The following EXOC7 variants were observed in gnomAD, a reference collection of about 807,000 sequenced individuals.
The protein encoded by EXOC7 is exocyst complex component 7.
In EXOC7, 51 loss-of-function variants were observed where a neutral mutation model predicts 87.6. The ratio of observed to expected loss-of-function variants is 0.58; its 90% CI spans 0.46 to 0.73. EXOC7 has a LOEUF of 0.73. EXOC7 is among the 30% of genes least tolerant of loss of function. The pLI, the probability that EXOC7 is intolerant of heterozygous loss-of-function variation, is 0.00. For synonymous variants in EXOC7, 327 were observed against 357.1 expected, an observed-to-expected ratio of 0.92 and a Z score of 0.95; for missense variants, 744 against 888.4, an observed-to-expected ratio of 0.84 and a Z score of 2.07.
intron 5 of EXOC7, among the ~76,000 whole-genome samples, chr17:76,096,401 G>A (rs1343509868): frequency 6.6e-6 from 1 of 151,232 alleles, no homozygotes; most frequent in Non-Finnish European, 1.5e-5. Context: ...TGTAACCCCA[G>A]CTACTTGGGA....
Position 76,084,272 on chromosome 17 carries a change from C to T in EXOC7, c.1794G>A (p.Arg598=). Residue 598 remains arginine (R), a synonymous_variant, in exon 17 of 19, where the codon CGG becomes CGA. Transcript: ENST00000589210. The stretch of plus-strand genomic sequence containing the variant: ...CCTTAAAACGCTCCTTGATAATCTG[C>T]CGCTCCTTGTCCCGGAGCTGGGAAG... ...QPGVKLRDKE[R]QIIKERFKGF... is the part of the protein sequence containing the mutation. 6.2e-7 allele frequency: 1 copy of T among 1,613,530 alleles called. No individual in the cohort carries two copies. The highest frequency in any genetic ancestry group is 8.5e-7 in the Non-Finnish European group (1 of 1,180,006).
At chr17:76,088,199 C>T (rs940685388) in intron 10 of EXOC7, 77 bp from the exon 11 acceptor site, 22 of 1,454,986 alleles carry the variant, frequency 1.5e-5, no homozygotes, top group East Asian at 4.5e-5. Context: ...CTCATGGTGC[C>T]GCCTCCTGGC....
At position 76,103,724 on chromosome 17, in the gene EXOC7, T is replaced by C. The variant is rs2144723731; in HGVS notation, c.-32A>G. ...GAACCCCGCGGCTCCCACTCCCCAG[T>C]ATCTTTCCTCCGCGGGCCCACCGGG... On this transcript the variant is annotated 5_prime_UTR_variant, in exon 1 of 19. The change creates a new upstream start codon in the 5' untranslated region. Coordinates refer to ENST00000589210, the MANE Select transcript of EXOC7 (RefSeq NM_001013839.4). 6.3e-7 allele frequency: 1 copy of C among 1,583,396 alleles called. No homozygotes were observed. The highest frequency in any genetic ancestry group is 1.2e-5 in the South Asian group (1 of 86,820).
intron 18 of EXOC7, 107 bp from the exon 19 acceptor site, chr17:76,083,857 T>G (rs932711318): frequency 6.7e-7 from 1 of 1,493,626 alleles, no homozygotes; most frequent in Admixed American, 1.9e-5. Flanking sequence ...CCTGAGCGAT[T>G]CCCTGTCTGG....
At position 76,090,637 on chromosome 17, in the gene EXOC7, G is replaced by A. The variant is rs767336026; in HGVS notation, c.901+506C>T. On this transcript the variant is annotated intron_variant, in intron 7 of 18. Coordinates refer to ENST00000589210, the MANE Select transcript of EXOC7 (RefSeq NM_001013839.4). ...ACCGTCCTTAGCTGCTCATTTCCCCGAGCCTGGAGGCCCAGGGAAAGCGGA... is the reference window on the plus strand; with the variant it reads ...ACCGTCCTTAGCTGCTCATTTCCCCAAGCCTGGAGGCCCAGGGAAAGCGGA... The A allele has an allele frequency of 2.2e-4, 146 of 675,658 alleles. No homozygotes were observed. The South Asian group carries it at 2.4e-3, about 11-fold the overall frequency. The allele number at this position is 675,658 out of a possible 1,614,324, so 41.9% of individuals were successfully genotyped here. A position where few individuals can be genotyped will look rare whatever the true frequency, so the allele number is the denominator to read the frequency against.
rs192456669 is a variant in EXOC7, at chr17:76,087,394, C to T, written c.1429+260G>A. On this transcript the variant is annotated intron_variant, in intron 12 of 18. Coordinates refer to ENST00000589210, the MANE Select transcript of EXOC7 (RefSeq NM_001013839.4). Reference sequence around the variant, plus strand: ...AGGACACCTTCCAACCAACCAGCACCGCTCCCAGAGTGAGGACACTGCTTC... The same window carrying T: ...AGGACACCTTCCAACCAACCAGCACTGCTCCCAGAGTGAGGACACTGCTTC... The T allele has an allele frequency of 9.3e-4, 503 of 538,346 alleles. 3 individuals are homozygous for T. The highest frequency in any genetic ancestry group is 8.6e-3 in the African/African-American group (451 of 52,582). The allele number at this position is 538,346 out of a possible 1,614,324, so 33.3% of individuals were successfully genotyped here. A position where few individuals can be genotyped will look rare whatever the true frequency, so the allele number is the denominator to read the frequency against.
Position 76,082,289 on chromosome 17 carries a change from TAA to T in EXOC7, c.*1357_*1358del, listed in dbSNP as rs1343045459. ...CTGATAACCCATGCCTTGCACAGCC[TAA>T]GAGGGTGTTTCTTCAACTGAAGATG... On this transcript the variant is annotated 3_prime_UTR_variant, in exon 19 of 19. Transcript: ENST00000589210. 1 of 789,966 alleles carries T rather than the reference TAA, an allele frequency of 1.3e-6. No individual in the cohort carries two copies. The highest frequency in any genetic ancestry group is 2.0e-6 in the Non-Finnish European group (1 of 510,836). The allele number at this position is 789,966 out of a possible 1,614,324, so 48.9% of individuals were successfully genotyped here.
intron 4 of EXOC7, among the ~76,000 whole-genome samples, chr17:76,098,906 C>A (rs988920328): frequency 3.3e-5 from 5 of 151,174 alleles, no homozygotes; most frequent in Non-Finnish European, 7.4e-5. Flanking sequence ...TATTTTCTCA[C>A]TGAACCGTTA....
At chr17:76,099,132 G>C (rs1461282227) in intron 4 of EXOC7, among the ~76,000 whole-genome samples, 1 of 152,166 alleles carries the variant, frequency 6.6e-6, no homozygotes. Flanking sequence ...ACATATATAA[G>C]AGGGTTTATA....
chr17:76,096,979 G>A (rs1172579989), intron 5 of EXOC7, among the ~76,000 whole-genome samples: 3 of 151,776 alleles, frequency 2.0e-5, no homozygotes, highest in Non-Finnish European at 4.4e-5. Flanking sequence ...AGCCTCCCAA[G>A]TAGCTGGCTC....
In EXOC7 at chr17:76,089,257, T is replaced by C. The variant is rs1482012259; in HGVS notation, c.965A>G (p.Lys322Arg). Reference sequence around the variant, plus strand: ...CAGCTGGTACTCGCTCTGCGCCAGCTTGACGAAGGCACTGACGCAGTGGAT... The same window carrying C: ...CAGCTGGTACTCGCTCTGCGCCAGCCTGACGAAGGCACTGACGCAGTGGAT... ...AYIHCVSAFV[K>R]LAQSEYQLLA... is the part of the protein sequence containing the mutation. Residue 322 changes from lysine (K) to arginine (R), a missense_variant, in exon 8 of 19, where the codon AAG becomes AGG. Lys to Arg is a conservative substitution (Grantham distance 26). Transcript: ENST00000589210. 4 of 1,614,150 alleles carry C rather than the reference T, an allele frequency of 2.5e-6. No homozygotes were observed. Among genetic ancestry groups the C allele is most frequent in the Middle Eastern group, 1.7e-4 (1 of 6,060 alleles).
At chr17:76,100,328 G>A (rs146475639) in intron 4 of EXOC7, among the ~76,000 whole-genome samples, 284 of 152,162 alleles carry the variant, frequency 1.9e-3, no homozygotes, top group Middle Eastern at 6.8e-3. Context: ...TTAACTTAGA[G>A]TTAAAATAGC....
intron 6 of EXOC7, chr17:76,091,720 A>G: frequency 6.5e-6 from 1 of 154,702 alleles, no homozygotes; most frequent in Non-Finnish European, 1.4e-5. Flanking sequence ...GACGTACGCC[A>G]AACAGCAGCC....
chr17:76,086,931 G>A (rs2067238677), intron 12 of EXOC7: 1 of 1,537,984 alleles, frequency 6.5e-7, no homozygotes, highest in South Asian at 1.2e-5. Flanking sequence ...GGGGACAGAG[G>A]GAGAGACAAA....
chr17:76,095,553 G>A (rs532062704), intron 5 of EXOC7, among the ~76,000 whole-genome samples: 1 of 152,240 alleles, frequency 6.6e-6, no homozygotes, highest in South Asian at 2.1e-4. Context: ...GACAACAAAT[G>A]TCAGTGAATG....
intron 7 of EXOC7, chr17:76,089,624 G>C: frequency 2.2e-6 from 1 of 446,562 alleles, no homozygotes; most frequent in Non-Finnish European, 4.2e-6. Context: ...TCCTGAATCA[G>C]CGTCCTGGAT....
At chr17:76,097,653 C>T (rs375900621) in intron 5 of EXOC7, 143 bp downstream of exon 5, 11 of 588,018 alleles carry the variant, frequency 1.9e-5, no homozygotes, top group African/African-American at 8.1e-5. Context: ...TGCAGCAAGC[C>T]GAGTTGCACC....
chr17:76,100,633 C>CAA (rs34141633), intron 4 of EXOC7, among the ~76,000 whole-genome samples: 1,326 of 130,944 alleles, frequency 0.01, 27 homozygotes, highest in African/African-American at 0.033. Flanking sequence ...AACTCCATCT[C>CAA]AAAAAAAAAA....
chr17:76,085,313 C>T lies in EXOC7; in HGVS notation c.1712+1G>A. The T allele has an allele frequency of 6.3e-7, 1 of 1,594,510 alleles. No homozygotes were observed. The highest frequency in any genetic ancestry group is 8.5e-7 in the Non-Finnish European group (1 of 1,171,240). On this transcript the variant is annotated splice_donor_variant, in intron 15 of 18. Coordinates refer to ENST00000589210, the MANE Select transcript of EXOC7 (RefSeq NM_001013839.4). LOFTEE classifies it high-confidence loss of function. ...GGAGCAGGGCGGGCCCAGCCTCTCACCTGCGCTGGTAGGTCTGGATCTGCT... is the reference window on the plus strand; with the variant it reads ...GGAGCAGGGCGGGCCCAGCCTCTCATCTGCGCTGGTAGGTCTGGATCTGCT...
Sources: allele counts gnomAD v4.1 joint callset (sites outside exome capture counted in the v4.1 genomes callset), GRCh38; gene constraint gnomAD v4.1.1; transcripts MANE v1.5; gene names NCBI Gene and HGNC (gene_info 2026-07-23, HGNC 2026-07-21).